CREB1: variants seen among roughly 807,000 people sequenced by gnomAD.
CREB1 encodes the protein cyclic AMP-responsive element-binding protein 1.
CREB1 carries 2 observed loss-of-function variants against 42.0 expected under a neutral mutation model. That is an observed-to-expected ratio of 0.05 (90% CI 0.02 to 0.15). CREB1 has a LOEUF of 0.15. Among genes scored for constraint, CREB1 ranks in the 10% least tolerant of loss-of-function variants. The pLI, the probability that CREB1 is intolerant of heterozygous loss-of-function variation, is 1.00. For synonymous variants in CREB1, 123 were observed against 139.9 expected, an observed-to-expected ratio of 0.88 and a Z score of 0.85; for missense variants, 199 against 388.9, an observed-to-expected ratio of 0.51 and a Z score of 4.11.
intron 1 of CREB1, among the ~76,000 whole-genome samples, chr2:207,552,137 G>T (rs1210439312): frequency 6.6e-6 from 1 of 150,960 alleles, no homozygotes; most frequent in African/African-American, 2.4e-5. Context: ...TAAAACACCA[G>T]TTGTTTAAAT....
At chr2:207,555,884 CTTAGTA>C (rs747113291) in intron 2 of CREB1, 135 bp downstream of exon 2, 287 of 586,058 alleles carry the variant, frequency 4.9e-4, no homozygotes, top group Admixed American at 1.1e-3. Flanking sequence ...TTCCTATTTA[CTTAGTA>C]TTAGAGTATA....
rs1178876684 is a variant in CREB1 at position 207,530,388 on chromosome 2, G to GGGGCGGC, written c.-9+275_-9+281dup. ...CAGCCAGCGGCGGCGCTCATGGCGG[G>GGGGCGGC]GGGCGGCGGGCGGCGGGCGGCGGGC... On this transcript the variant is annotated intron_variant, in intron 1 of 7. Coordinates refer to ENST00000353267, the MANE Select transcript of CREB1 (RefSeq NM_004379.5). Among the ~76,000 whole-genome samples the GGGGCGGC allele has an allele frequency of 3.2e-3, 466 of 147,780 alleles. 2 individuals carry two copies. Among genetic ancestry groups the GGGGCGGC allele is most frequent in the Admixed American group, 3.9e-3 (58 of 14,914 alleles).
chr2:207,575,796 TAA>T (rs1387414535), intron 6 of CREB1, among the ~76,000 whole-genome samples: 1 of 152,048 alleles, frequency 6.6e-6, no homozygotes, highest in East Asian at 1.9e-4. Flanking sequence ...AGGCCTTGAG[TAA>T]AAGTCAGCTG....
chr2:207,590,803 T>A (rs2084894112), intron 7 of CREB1, among the ~76,000 whole-genome samples: 1 of 152,220 alleles, frequency 6.6e-6, no homozygotes, highest in African/African-American at 2.4e-5. Context: ...AAGCAAAGTT[T>A]GGCAACCCTT....
chr2:207,536,202 GTGAT>G, intron 1 of CREB1, among the ~76,000 whole-genome samples: 1 of 152,276 alleles, frequency 6.6e-6, no homozygotes, highest in East Asian at 1.9e-4. Flanking sequence ...AACTCAGAAA[GTGAT>G]TAATAATATA....
intron 1 of CREB1, among the ~76,000 whole-genome samples, chr2:207,538,766 G>A (rs2080976836): frequency 6.6e-6 from 1 of 152,180 alleles, no homozygotes; most frequent in Non-Finnish European, 1.5e-5. Context: ...TTTTCCCAAA[G>A]GTTAGTGCAT....
intron 5 of CREB1, among the ~76,000 whole-genome samples, chr2:207,574,711 A>G (rs1474475226): frequency 6.6e-6 from 1 of 152,204 alleles, no homozygotes; most frequent in African/African-American, 2.4e-5. Context: ...GTTCCATAGG[A>G]TATTTCAGTT....
chr2:207,577,999 T>C (rs182275080), intron 7 of CREB1: 3 of 292,228 alleles, frequency 1.0e-5, no homozygotes, highest in Admixed American at 4.9e-5. Flanking sequence ...AGATCAAGAG[T>C]TTCATATATG....
intron 5 of CREB1, 57 bp downstream of exon 5, chr2:207,570,378 G>T (rs1370986842): frequency 1.7e-5 from 25 of 1,477,280 alleles, no homozygotes; most frequent in Non-Finnish European, 2.3e-5. Context: ...AGGAGAAAAA[G>T]CTAATAGTTG....
At chr2:207,538,214 G>A (rs577900966) in intron 1 of CREB1, among the ~76,000 whole-genome samples, 1 of 152,148 alleles carries the variant, frequency 6.6e-6, no homozygotes, top group Admixed American at 6.5e-5. Context: ...TGTCTTCTAG[G>A]CTACCAGAAA....
At chr2:207,569,711 C>T (rs2082280821) in intron 4 of CREB1, among the ~76,000 whole-genome samples, 1 of 151,830 alleles carries the variant, frequency 6.6e-6, no homozygotes, top group South Asian at 2.1e-4. Context: ...AGATCAATCC[C>T]TGACCCATGA....
At chr2:207,542,560 A>G (rs568850857) in intron 1 of CREB1, among the ~76,000 whole-genome samples, 2 of 152,264 alleles carry the variant, frequency 1.3e-5, no homozygotes, top group South Asian at 4.1e-4. Context: ...TCTAGATACA[A>G]ATCTCTTGTC....
chr2:207,543,992 T>A (rs2081201804), intron 1 of CREB1, among the ~76,000 whole-genome samples: 2 of 152,126 alleles, frequency 1.3e-5, no homozygotes, highest in African/African-American at 4.8e-5. Context: ...CCATCTCAGC[T>A]CACTGCAAGC....
intron 2 of CREB1, among the ~76,000 whole-genome samples, chr2:207,559,689 T>G (rs1361746752): frequency 3.9e-5 from 6 of 152,230 alleles, no homozygotes; most frequent in Non-Finnish European, 8.8e-5. Flanking sequence ...AGGTCAGGTT[T>G]GCTTATGCTT....
chr2:207,569,528 T>C (rs1299440708), intron 4 of CREB1, among the ~76,000 whole-genome samples: 3 of 152,210 alleles, frequency 2.0e-5, no homozygotes, highest in Non-Finnish European at 4.4e-5. Context: ...CTTTAGTTGA[T>C]TGTTGACTTT....
chr2:207,579,606 G>A (rs1358391315), intron 7 of CREB1, among the ~76,000 whole-genome samples: 1 of 152,124 alleles, frequency 6.6e-6, no homozygotes, highest in Non-Finnish European at 1.5e-5. Context: ...GAGATCTTCA[G>A]GGAAACTACC....
chr2:207,538,935 G>T (rs534807182), intron 1 of CREB1, among the ~76,000 whole-genome samples: 1 of 152,216 alleles, frequency 6.6e-6, no homozygotes, highest in Admixed American at 6.5e-5. Flanking sequence ...ATTTTTGAGG[G>T]CTGTTATCCC....
At position 207,566,769 on chromosome 2, in the gene CREB1, T is replaced by C. The variant is rs190661562; in HGVS notation, c.262-694T>C. Among the ~76,000 whole-genome samples, 40 of 152,338 alleles carry C rather than the reference T, an allele frequency of 2.6e-4. 1 individual carries two copies. The South Asian group carries it at 2.9e-3, about 11-fold the overall frequency. ...TGTGAGTATTAAGTAATGTAGTATATGTAAATGCATTAGCATAACACCTGG... is the reference window on the plus strand; with the variant it reads ...TGTGAGTATTAAGTAATGTAGTATACGTAAATGCATTAGCATAACACCTGG... On this transcript the variant is annotated intron_variant, in intron 3 of 7. Coordinates refer to ENST00000353267, the MANE Select transcript of CREB1 (RefSeq NM_004379.5).
chr2:207,575,947 C>T lies in CREB1; in HGVS notation c.688+493C>T, dbSNP rs78084938. Among the ~76,000 whole-genome samples the T allele has an allele frequency of 8.0e-3, 450 of 56,588 alleles. 97 individuals are homozygous for T. Among genetic ancestry groups the T allele is most frequent in the Non-Finnish European group, 0.016 (358 of 22,872 alleles). The allele number at this position is 56,588 out of a possible 152,430, so 37.1% of individuals were successfully genotyped here. A position where few individuals can be genotyped will look rare whatever the true frequency, so the allele number is the denominator to read the frequency against. ...TGTTTCTCTGCTTCCCCCCCCCCCC[C>T]CAAAAGAAATTTAAATCTTCTGAGA... On this transcript the variant is annotated intron_variant, in intron 6 of 7. Transcript: ENST00000353267.
Sources: gnomAD v4.1 joint callset for allele counts (sites outside exome capture counted in the v4.1 genomes callset) on GRCh38, gnomAD v4.1.1 for gene constraint, MANE v1.5 for transcripts, NCBI Gene and HGNC (gene_info 2026-07-23, HGNC 2026-07-21) for gene names.